The following RAP1GAP2 variants were observed in gnomAD, a reference collection of about 807,000 sequenced individuals.
The protein encoded by RAP1GAP2 is RAP1 GTPase activating protein 2.
RAP1GAP2 carries 27 observed loss-of-function variants against 95.0 expected under a neutral mutation model. That is an observed-to-expected ratio of 0.28 (90% CI 0.21 to 0.39). The LOEUF is 0.39. Ranked by LOEUF, RAP1GAP2 falls within the 10% of genes least tolerant of loss-of-function variation. The pLI is 1.00. For synonymous variants in RAP1GAP2, 373 were observed against 380.9 expected (o/e 0.98, Z 0.24); for missense variants, 771 against 970.0 (o/e 0.79, Z 2.72).
intron 2 of RAP1GAP2, 63 bp downstream of exon 2, chr17:2,800,613 T>C (rs12600364): frequency 0.06 from 93,145 of 1,547,464 alleles, 4,491 homozygotes; most frequent in African/African-American, 0.21. Context: ...GCCGGGCCCT[T>C]GCTCCCCCCA....
At chr17:2,915,085 C>T (rs7211907) in intron 3 of RAP1GAP2, among the ~76,000 whole-genome samples, 3,916 of 151,822 alleles carry the variant, frequency 0.026, 169 homozygotes, top group African/African-American at 0.089. Flanking sequence ...CCACTGCGTC[C>T]GGCCTTCTTC....
At chr17:2,819,795 C>CTTTTTTT (rs539808008) in intron 2 of RAP1GAP2, among the ~76,000 whole-genome samples, 1 of 138,226 alleles carries the variant, frequency 7.2e-6, no homozygotes, top group Non-Finnish European at 1.6e-5. Context: ...TCTCTTTCTC[C>CTTTTTTT]TTTTTTTTTT....
At chr17:2,995,580 C>A (rs1015783259) in intron 13 of RAP1GAP2, 114 bp downstream of exon 13, 1 of 1,411,588 alleles carries the variant, frequency 7.1e-7, no homozygotes, top group Non-Finnish European at 9.6e-7. Flanking sequence ...CGTAGCCGGC[C>A]ATTCGTTCAG....
chr17:3,007,637 G>T (rs1240785557), intron 16 of RAP1GAP2, among the ~76,000 whole-genome samples: 3 of 152,212 alleles, frequency 2.0e-5, no homozygotes, highest in Non-Finnish European at 4.4e-5. Context: ...GCATCCATGT[G>T]CATGGCTCTG....
At chr17:2,980,252 C>G in intron 8 of RAP1GAP2, 35 bp from the exon 9 acceptor site, 1 of 1,609,470 alleles carries the variant, frequency 6.2e-7, no homozygotes, top group African/African-American at 1.3e-5. Flanking sequence ...CTGACTGTTT[C>G]TTAGGGATGT....
chr17:2,874,667 G>A (rs997231716), intron 2 of RAP1GAP2, among the ~76,000 whole-genome samples: 23 of 152,122 alleles, frequency 1.5e-4, no homozygotes, highest in East Asian at 3.9e-4. Flanking sequence ...GAAATGAGAC[G>A]GTAGGTGCTA....
chr17:2,993,137 G>T (rs368299496), intron 12 of RAP1GAP2, among the ~76,000 whole-genome samples: 3 of 150,450 alleles, frequency 2.0e-5, no homozygotes, highest in East Asian at 3.9e-4. Flanking sequence ...CAGGAGAATC[G>T]CTTGAACCCA....
chr17:2,880,130 A>C (rs2073233814), intron 2 of RAP1GAP2, among the ~76,000 whole-genome samples: 1 of 152,114 alleles, frequency 6.6e-6, no homozygotes, highest in Non-Finnish European at 1.5e-5. Context: ...GATGGATGAC[A>C]TCGGAAGGGA....
chr17:2,755,795 C>T (rs2071128271), intron 1 of RAP1GAP2: 2 of 354,046 alleles, frequency 5.6e-6, no homozygotes, highest in Non-Finnish European at 1.0e-5. Context: ...GGCGCGGGGC[C>T]TAATGCGGGA....
chr17:3,002,013 A>G (rs1166567101), intron 14 of RAP1GAP2, among the ~76,000 whole-genome samples: 3 of 149,206 alleles, frequency 2.0e-5, no homozygotes, highest in Admixed American at 1.3e-4. Context: ...CCCAGGCTAG[A>G]GTGCAGTGGT....
At chr17:2,998,074 C>T in intron 13 of RAP1GAP2, 147 bp from the exon 14 acceptor site, 1 of 893,662 alleles carries the variant, frequency 1.1e-6, no homozygotes, top group South Asian at 1.6e-5. Flanking sequence ...TGCTTTCATA[C>T]TTAAACTTCC....
At chr17:2,892,759 CGTCT>C (rs1247917614) in intron 2 of RAP1GAP2, among the ~76,000 whole-genome samples, 4 of 152,138 alleles carry the variant, frequency 2.6e-5, no homozygotes, top group Non-Finnish European at 4.4e-5. Flanking sequence ...GGTAATGTTA[CGTCT>C]GTCTCATTCT....
intron 1 of RAP1GAP2, among the ~76,000 whole-genome samples, chr17:2,767,703 C>G (rs1227553645): frequency 1.3e-5 from 2 of 151,370 alleles, no homozygotes; most frequent in Non-Finnish European, 2.9e-5. Context: ...CCACACATGG[C>G]TTTACTATAT....
At chr17:2,936,650 G>C (rs1314534267) in intron 3 of RAP1GAP2, among the ~76,000 whole-genome samples, 2 of 152,084 alleles carry the variant, frequency 1.3e-5, no homozygotes, top group African/African-American at 4.8e-5. Context: ...GAGGTGGTAG[G>C]AATGGGTCCT....
intron 2 of RAP1GAP2, among the ~76,000 whole-genome samples, chr17:2,813,238 A>G (rs1180177574): frequency 6.6e-6 from 1 of 151,806 alleles, no homozygotes; most frequent in Non-Finnish European, 1.5e-5. Context: ...ATGCCCAGAT[A>G]ATGTTTTGTA....
At chr17:2,881,889 C>T (rs994033859) in intron 2 of RAP1GAP2, among the ~76,000 whole-genome samples, 2 of 152,158 alleles carry the variant, frequency 1.3e-5, no homozygotes, top group Middle Eastern at 3.4e-3. Context: ...GGCGCAATCT[C>T]GGCTCACTGC....
chr17:2,982,230 C>G (rs2045388850), intron 10 of RAP1GAP2, among the ~76,000 whole-genome samples: 1 of 152,210 alleles, frequency 6.6e-6, no homozygotes, highest in Non-Finnish European at 1.5e-5. Flanking sequence ...ACCTGCACCT[C>G]CTGGTTGAAG....
intron 2 of RAP1GAP2, among the ~76,000 whole-genome samples, chr17:2,848,315 A>C (rs2071674041): frequency 6.6e-6 from 1 of 151,970 alleles, no homozygotes; most frequent in African/African-American, 2.4e-5. Context: ...AGTTGGGCTG[A>C]GCTGAGGTTT....
At chr17:2,943,209 A>G (rs1425090880) in intron 3 of RAP1GAP2, among the ~76,000 whole-genome samples, 4 of 152,122 alleles carry the variant, frequency 2.6e-5, no homozygotes, top group East Asian at 3.9e-4. Flanking sequence ...TTTTATAGAG[A>G]TTGAATTATT....
Sources: allele counts gnomAD v4.1 joint callset (sites outside exome capture counted in the v4.1 genomes callset), GRCh38; gene constraint gnomAD v4.1.1; transcripts MANE v1.5; gene names NCBI Gene and HGNC (gene_info 2026-07-23, HGNC 2026-07-21).